Variants in CPNE6 observed in about 807,000 individuals in gnomAD.
CPNE6 encodes copine 6.
A neutral mutation model predicts 71.5 loss-of-function variants in CPNE6; 33 were observed. The ratio of observed to expected loss-of-function variants is 0.46; its 90% confidence interval spans 0.35 to 0.62. The LOEUF is 0.62. Ranked by LOEUF, CPNE6 falls within the 20% of genes least tolerant of loss-of-function variation. The pLI is 0.00. For synonymous variants in CPNE6, 296 were observed against 293.0 expected, an observed-to-expected ratio of 1.01 and a Z score of -0.10; for missense variants, 576 against 747.3, an observed-to-expected ratio of 0.77 and a Z score of 2.67.
rs1483877457 is a variant in CPNE6, at chr14:24,073,393, G to A, written c.169-106G>A. ...TAGGAAGAGAAGAGCTGGTTGCTGG[G>A]GACGTGGGGGCCCAAGAAGAGCTGG... is the stretch of plus-strand genomic sequence containing the variant. On this transcript the variant is annotated intron_variant, in intron 3 of 17. Transcript: ENST00000397016. The surrounding 1 kb of genome is among the most constrained non-coding windows in gnomAD (Gnocchi z 5.5). 1.6e-6 allele frequency: 2 copies of A among 1,263,926 alleles called. No homozygotes were observed. Among genetic ancestry groups the A allele is most frequent in the Non-Finnish European group, 2.2e-6 (2 of 909,488 alleles). The allele number at this position is 1,263,926 out of a possible 1,614,324, so 78.3% of individuals were successfully genotyped here.
Position 24,073,917 on chromosome 14 carries a change from A to G in CPNE6, c.349-134A>G. ...CTTCCCTCTTCAGACTATTGTAAAA[A>G]TTGAGCCCAACCCTAGCCCAACTCA... On this transcript the variant is annotated intron_variant, in intron 4 of 17. Transcript: ENST00000397016. The surrounding 1 kb of genome is among the most constrained non-coding windows in gnomAD (Gnocchi z 5.5). 1 of 907,758 alleles carries G rather than the reference A, an allele frequency of 1.1e-6. No individual in the cohort carries two copies. Among genetic ancestry groups the G allele is most frequent in the Non-Finnish European group, 1.8e-6 (1 of 568,402 alleles). The allele number at this position is 907,758 out of a possible 1,614,324, so 56.2% of individuals were successfully genotyped here. A position where few individuals can be genotyped will look rare whatever the true frequency, so the allele number is the denominator to read the frequency against.
At position 24,074,641 on chromosome 14, in the gene CPNE6, A is replaced by G. The variant is rs2036001981; in HGVS notation, c.582+27A>G. The stretch of plus-strand genomic sequence containing the variant: ...TTGGTGCCTGGGGCTATGGGGATGA[A>G]GGGAGGGAGAGTAAAGTAAGAAGAC... On this transcript the variant is annotated intron_variant, in intron 7 of 17. Transcript: ENST00000397016. The surrounding 1 kb of genome is among the most constrained non-coding windows in gnomAD (Gnocchi z 4.5). The G allele has an allele frequency of 5.6e-6, 9 of 1,613,658 alleles. No individual in the cohort carries two copies. Among genetic ancestry groups the G allele is most frequent in the African/African-American group, 1.3e-5 (1 of 75,014 alleles).
In CPNE6 at chr14:24,075,623, C is replaced by A; in HGVS notation, c.864+32C>A. ...TTCACTTCCTGCTTCAAGCCTTGCC[C>A]CAGCCCCTGCCCCTACCACACTCTC... On this transcript the variant is annotated intron_variant, in intron 10 of 17. Coordinates refer to ENST00000397016, the Ensembl canonical transcript of CPNE6. The surrounding 1 kb of genome is among the most constrained non-coding windows in gnomAD (Gnocchi z 4.3). 6.5e-7 allele frequency: 1 copy of A among 1,544,498 alleles called. No individual in the cohort carries two copies. Among genetic ancestry groups the A allele is most frequent in the South Asian group, 1.2e-5 (1 of 86,884 alleles).
chr14:24,072,634 G>A (rs1217650342), intron 2 of CPNE6: 5 of 273,602 alleles, frequency 1.8e-5, no homozygotes, highest in Admixed American at 5.4e-5. Context: ...TAGATCAATC[G>A]ATGGCCTAGG....
chr14:24,077,470 T>C lies in CPNE6; in HGVS notation c.1536+80T>C. ...AAATCTGACCTTCGTCTTCCACCAT[T>C]TGATGTCCTGCTAAGGACGCGGGAG... is the stretch of plus-strand genomic sequence containing the variant. On this transcript the variant is annotated intron_variant, in intron 16 of 17. Transcript: ENST00000397016. This position sits in a 1 kb window ranked among gnomAD's most constrained non-coding sequence, Gnocchi z 6.1. 13 of 1,573,628 alleles carry C rather than the reference T, an allele frequency of 8.3e-6. No homozygotes were observed. Among genetic ancestry groups the C allele is most frequent in the South Asian group, 1.1e-5 (1 of 90,256 alleles).
chr14:24,077,783 T>G lies in CPNE6; in HGVS notation c.*37+16T>G. ...CAGCCTCTCAGTGAGTCCTGGGGCT[T>G]CCAAAGGAGTGGACACAGGGGGTGC... On this transcript the variant is annotated intron_variant, in intron 17 of 17. Coordinates refer to ENST00000397016, the Ensembl canonical transcript of CPNE6. The surrounding 1 kb of genome is among the most constrained non-coding windows in gnomAD (Gnocchi z 6.1). 1 of 1,472,424 alleles carries G rather than the reference T, an allele frequency of 6.8e-7. No individual in the cohort carries two copies. The highest frequency in any genetic ancestry group is 2.6e-5 in the Admixed American group (1 of 38,352). 91.2% of individuals were successfully genotyped at this position (1,472,424 alleles called of 1,614,324 possible).
rs368500755 is a variant in CPNE6 at position 24,071,027 on chromosome 14, G to C, written c.-121G>C. 6 of 1,535,574 alleles carry C rather than the reference G, an allele frequency of 3.9e-6. No individual in the cohort carries two copies. The African/African-American group carries it at 6.8e-5, about 17-fold the overall frequency. Reference sequence around the variant, plus strand: ...GGAAGATCACATCCTGCTGTATTCCGGGTTAGTTTGAGTGAGTACATGTGT... The same window carrying C: ...GGAAGATCACATCCTGCTGTATTCCCGGTTAGTTTGAGTGAGTACATGTGT... On this transcript the variant is annotated splice_region_variant and 5_prime_UTR_variant, in exon 1 of 18. Transcript: ENST00000397016.
Position 24,075,448 on chromosome 14 carries a change from G to T in CPNE6, c.778-57G>T. 6.5e-7 allele frequency: 1 copy of T among 1,542,946 alleles called. No homozygotes were observed. The highest frequency in any genetic ancestry group is 8.9e-7 in the Non-Finnish European group (1 of 1,123,562). On this transcript the variant is annotated intron_variant, in intron 9 of 17. Transcript: ENST00000397016. This position sits in a 1 kb window ranked among gnomAD's most constrained non-coding sequence, Gnocchi z 4.3. ...TGCTCTGGGAGGCTCTGCTGGAAGGGAGAAAGAGGGGTCACCTGATGGACT... is the reference window on the plus strand; with the variant it reads ...TGCTCTGGGAGGCTCTGCTGGAAGGTAGAAAGAGGGGTCACCTGATGGACT...
chr14:24,071,425 C>T, intron 1 of CPNE6, 137 bp from the exon 1 acceptor site: 1 of 1,464,924 alleles, frequency 6.8e-7, no homozygotes, highest in Non-Finnish European at 9.0e-7. Flanking sequence ...GGTTCTGTGG[C>T]TCCCTCCCAG....
In CPNE6 at chr14:24,077,881, CT is replaced by C; in HGVS notation, c.*38-6del. 2 of 815,448 alleles carry C rather than the reference CT, an allele frequency of 2.5e-6. No homozygotes were observed. The highest frequency in any genetic ancestry group is 3.5e-6 in the Non-Finnish European group (2 of 570,792). The allele number at this position is 815,448 out of a possible 1,614,324, so 50.5% of individuals were successfully genotyped here. ...AGAGTGCTTATGACTCTCCCACCCC[CT>C]CCCAGGTGCCTGTCCTGACCCTCGT... On this transcript the variant is annotated splice_polypyrimidine_tract_variant and splice_region_variant and intron_variant, in intron 17 of 17. Coordinates refer to ENST00000397016, the Ensembl canonical transcript of CPNE6. This position sits in a 1 kb window ranked among gnomAD's most constrained non-coding sequence, Gnocchi z 6.1.
Position 24,075,526 on chromosome 14 carries a change from C to T in CPNE6, c.799C>T (p.Pro267Ser). 6.2e-7 allele frequency: 1 copy of T among 1,612,296 alleles called. No individual in the cohort carries two copies. ...CTAGATGCAGTGGGACTGTATCAAC[C>T]CCAAGTATCGGGACAAGAAGAAGAA... Residue 267 changes from proline to serine, a missense_variant, in exon 10 of 18, where the codon CCC becomes TCC. By Grantham distance (74) the Pro-to-Ser change is moderately conservative. Around this residue, in one of 4 missense-constraint regions of CPNE6, gnomAD observed 214 missense variants for 291.2 expected, o/e 0.73. Coordinates refer to ENST00000397016, the Ensembl canonical transcript of CPNE6. The surrounding 1 kb of genome is among the most constrained non-coding windows in gnomAD (Gnocchi z 4.3).
At position 24,077,855 on chromosome 14, in the gene CPNE6, G is replaced by A. The variant is rs970568058; in HGVS notation, c.*38-33G>A. 4 of 1,128,624 alleles carry A rather than the reference G, an allele frequency of 3.5e-6. No homozygotes were observed. Among genetic ancestry groups the A allele is most frequent in the Non-Finnish European group, 4.8e-6 (4 of 840,284 alleles). 69.9% of individuals were successfully genotyped at this position (1,128,624 alleles called of 1,614,324 possible). A position where few individuals can be genotyped will look rare whatever the true frequency, so the allele number is the denominator to read the frequency against. On this transcript the variant is annotated intron_variant, in intron 17 of 17. Transcript: ENST00000397016. The surrounding 1 kb of genome is among the most constrained non-coding windows in gnomAD (Gnocchi z 6.1). ...CAACTAGGCTGGGTGTAGTGTAGAA[G>A]AGAGTGCTTATGACTCTCCCACCCC...
chr14:24,072,952 A>G (rs765913728), exon 3 of CPNE6: 1 of 1,580,978 alleles, frequency 6.3e-7, no homozygotes, highest in Non-Finnish European at 8.6e-7. Context: ...GGACCCTGAG[A>G]TGGGATGGGT....
intron 14 of CPNE6, 42 bp downstream of exon 13, chr14:24,076,599 AC>A: frequency 6.2e-7 from 1 of 1,611,028 alleles, no homozygotes; most frequent in Non-Finnish European, 8.5e-7. Context: ...CCCCGCAGAC[AC>A]ACTCCACACA....
chr14:24,077,824 A>G lies in CPNE6; in HGVS notation c.*37+57A>G, dbSNP rs372713703. 2 of 1,320,426 alleles carry G rather than the reference A, an allele frequency of 1.5e-6. No individual in the cohort carries two copies. The highest frequency in any genetic ancestry group is 5.2e-5 in the East Asian group (2 of 38,700). The allele number at this position is 1,320,426 out of a possible 1,614,324, so 81.8% of individuals were successfully genotyped here. ...CAGGGGGTGCAAAGTGGGGCTTGGT[A>G]GAGCCCAACTAGGCTGGGTGTAGTG... On this transcript the variant is annotated intron_variant, in intron 17 of 17. Transcript: ENST00000397016. The surrounding 1 kb of genome is among the most constrained non-coding windows in gnomAD (Gnocchi z 6.1).
At chr14:24,071,623 C>A in exon 2 of CPNE6, 1 of 1,165,452 alleles carries the variant, frequency 8.6e-7, no homozygotes, top group Non-Finnish European at 1.2e-6. Context: ...GAGAGAGGAG[C>A]CCCCGACCGA....
At position 24,077,742 on chromosome 14, in the gene CPNE6, C is replaced by T. The variant is rs999817922; in HGVS notation, c.*12C>T. On this transcript the variant is annotated 3_prime_UTR_variant, in exon 17 of 18. Transcript: ENST00000397016. This position sits in a 1 kb window ranked among gnomAD's most constrained non-coding sequence, Gnocchi z 6.1. ...GCCCTAGCCCGTGACTGCCTCCCTC[C>T]GGACCGACACTCCCTCAGCCTCTCA... 33 of 1,514,540 alleles carry T rather than the reference C, an allele frequency of 2.2e-5. No homozygotes were observed. Among genetic ancestry groups the T allele is most frequent in the South Asian group, 1.3e-4 (10 of 74,872 alleles). The allele number at this position is 1,514,540 out of a possible 1,614,324, so 93.8% of individuals were successfully genotyped here.
chr14:24,076,219 G>C lies in CPNE6; in HGVS notation c.995G>C (p.Arg332Pro). ...CAGTCCCTGCACTGCCTCAGTCCCC[G>C]ACAGCCCAACCACTACCTGCAGGCC... Residue 332 changes from arginine (R) to proline (P), a missense_variant, in exon 12 of 18, where the codon CGA (arginine) becomes CCA (proline). Arg to Pro is a moderately radical substitution (Grantham distance 103). Around this residue, in one of 4 missense-constraint regions of CPNE6, gnomAD observed 264 missense variants for 339.9 expected, o/e 0.78. Coordinates refer to ENST00000397016, the Ensembl canonical transcript of CPNE6. 6.8e-6 allele frequency: 11 copies of C among 1,614,160 alleles called. No individual in the cohort carries two copies. Among genetic ancestry groups the C allele is most frequent in the Non-Finnish European group, 9.3e-6 (11 of 1,180,020 alleles).
chr14:24,071,384 C>T (rs1396955148), intron 1 of CPNE6, 178 bp from the exon 1 acceptor site: 24 of 1,447,704 alleles, frequency 1.7e-5, no homozygotes, highest in Non-Finnish European at 2.0e-5. Flanking sequence ...GGTCCTGCCT[C>T]TAAGCCACCC....
Sources: allele counts gnomAD v4.1 joint callset, GRCh38; gene constraint gnomAD v4.1.1; regional missense constraint gnomAD v4.1.1; non-coding constraint Gnocchi (gnomAD v3.1); transcripts MANE v1.5; gene names NCBI Gene and HGNC (gene_info 2026-07-23, HGNC 2026-07-21).